SLC25A25: variants seen among roughly 807,000 people sequenced by gnomAD.
SLC25A25 encodes mitochondrial adenyl nucleotide antiporter SLC25A25.
Under a neutral mutation model 57.7 loss-of-function variants are expected in SLC25A25, and 32 were observed. That is an observed-to-expected ratio of 0.55 (90% CI 0.42 to 0.74). The LOEUF is 0.74. Among genes scored for constraint, SLC25A25 ranks in the 30% least tolerant of loss-of-function variants. SLC25A25 has a pLI of 0.00. For synonymous variants in SLC25A25, 306 were observed against 291.2 expected (o/e 1.05, Z -0.52); for missense variants, 556 against 701.3 (o/e 0.79, Z 2.34).
chr9:128,091,982 A>G, intron 1 of SLC25A25: 2 of 1,613,982 alleles, frequency 1.2e-6, no homozygotes, highest in Non-Finnish European at 1.7e-6. Flanking sequence ...CCCTGCCTGG[A>G]GAGACCAGAT....
chr9:128,105,977 G>T (rs1345176307), intron 7 of SLC25A25, 96 bp downstream of exon 7: 6 of 1,558,644 alleles, frequency 3.8e-6, no homozygotes, highest in African/African-American at 1.4e-5. Context: ...GACACTTGGA[G>T]CCAGCCGTGG....
chr9:128,076,320 G>A (rs1172318760), intron 1 of SLC25A25, among the ~76,000 whole-genome samples: 4 of 151,488 alleles, frequency 2.6e-5, no homozygotes, highest in African/African-American at 7.3e-5. Context: ...TTGTAGAGAC[G>A]GGGTTTTCCT....
Position 128,107,722 on chromosome 9 carries a change from T to G in SLC25A25, c.*278T>G. On this transcript the variant is annotated 3_prime_UTR_variant, in exon 11 of 11. Transcript: ENST00000373069. ...GCTCACATGTGTAAGGACAGGACAT[T>G]TTCTGCAGTGCCTGCCAATAGCGAG... 1 of 411,264 alleles carries G rather than the reference T, an allele frequency of 2.4e-6. No individual in the cohort carries two copies. The highest frequency in any genetic ancestry group is 1.1e-4 in the South Asian group (1 of 8,958). 25.5% of individuals were successfully genotyped at this position (411,264 alleles called of 1,614,324 possible).
intron 1 of SLC25A25, among the ~76,000 whole-genome samples, chr9:128,092,403 G>A (rs1487399068): frequency 6.6e-6 from 1 of 152,214 alleles, no homozygotes; most frequent in Non-Finnish European, 1.5e-5. Context: ...GTGAAAGTGT[G>A]CCTTAGCTTA....
intron 1 of SLC25A25, among the ~76,000 whole-genome samples, chr9:128,082,783 T>A (rs1165156556): frequency 6.6e-6 from 1 of 152,030 alleles, no homozygotes. Context: ...GTAGCTAGAA[T>A]CACCACGCCT....
At position 128,107,127 on chromosome 9, in the gene SLC25A25, C is replaced by G. The variant is rs1358540191; in HGVS notation, c.1311C>G (p.Gly437=). The stretch of plus-strand genomic sequence containing the variant: ...GTGGCACCATGTCCAGTACCTGTGG[C>G]CAGCTGGCCAGCTACCCCCTGGCCC... The part of the protein sequence containing the change: ...LACGTMSSTC[G]QLASYPLALV... The change falls in exon 10 of 11, where the codon GGC becomes GGG. Residue 437 remains glycine, a synonymous_variant. Transcript: ENST00000373069. The G allele has an allele frequency of 2.5e-6, 4 of 1,614,012 alleles. No individual in the cohort carries two copies. The highest frequency in any genetic ancestry group is 3.4e-6 in the Non-Finnish European group (4 of 1,180,036).
chr9:128,072,632 C>A (rs960011763), intron 1 of SLC25A25, among the ~76,000 whole-genome samples: 1 of 152,104 alleles, frequency 6.6e-6, no homozygotes, highest in South Asian at 2.1e-4. Context: ...GCAGAGAAAC[C>A]GTTGGCAGCC....
At chr9:128,098,544 G>A (rs1833639162) in intron 1 of SLC25A25, 1 of 1,604,086 alleles carries the variant, frequency 6.2e-7, no homozygotes, top group Middle Eastern at 1.7e-4. Context: ...TGAGGGCAGT[G>A]GAGCACCCAG....
intron 1 of SLC25A25, among the ~76,000 whole-genome samples, chr9:128,072,479 G>A (rs1832928384): frequency 6.6e-6 from 1 of 152,218 alleles, no homozygotes; most frequent in Admixed American, 6.5e-5. Flanking sequence ...GGTAAACCCA[G>A]GCCATGTGAC....
chr9:128,107,564 C>A lies in SLC25A25; in HGVS notation c.*120C>A. 1 of 1,234,232 alleles carries A rather than the reference C, an allele frequency of 8.1e-7. No individual in the cohort carries two copies. The highest frequency in any genetic ancestry group is 1.1e-6 in the Non-Finnish European group (1 of 922,890). 76.5% of individuals were successfully genotyped at this position (1,234,232 alleles called of 1,614,324 possible). Reference sequence around the variant, plus strand: ...TGTCTCGAGCCAAGCTGTGAAAACCCTAGACGCACCCGCAGGGAGGGTGGG... The same window carrying A: ...TGTCTCGAGCCAAGCTGTGAAAACCATAGACGCACCCGCAGGGAGGGTGGG... On this transcript the variant is annotated 3_prime_UTR_variant, in exon 11 of 11. Transcript: ENST00000373069.
At chr9:128,077,516 T>TAAAAAAAAAAAAAAAAAAAAAAAAAA (rs567869070) in intron 1 of SLC25A25, among the ~76,000 whole-genome samples, 6 of 100,300 alleles carry the variant, frequency 6.0e-5, no homozygotes, top group Admixed American at 4.1e-4. Context: ...GACTCCGTCT[T>TAAAAAAAAAAAAAAAAAAAAAAAAAA]AAAAAAAAAA....
intron 1 of SLC25A25, among the ~76,000 whole-genome samples, chr9:128,085,727 G>A (rs1016127851): frequency 4.0e-5 from 6 of 151,742 alleles, no homozygotes; most frequent in South Asian, 4.2e-4. Flanking sequence ...GTACTGCTGC[G>A]GCTGCATCCT....
rs1164174749 is a variant in SLC25A25 at position 128,099,586 on chromosome 9, T to A, written c.262-1510T>A. ...CTATAGGTGATTTATGTCACTCTTGTCTGAGAGCACAGATGTCCACAGGAA... is the reference window on the plus strand; with the variant it reads ...CTATAGGTGATTTATGTCACTCTTGACTGAGAGCACAGATGTCCACAGGAA... On this transcript the variant is annotated intron_variant, in intron 1 of 10. Coordinates refer to ENST00000373069, the MANE Select transcript of SLC25A25 (RefSeq NM_001330988.2). The surrounding 1 kb of genome is among the most constrained non-coding windows in gnomAD (Gnocchi z 6.8). 6.6e-6 allele frequency among the ~76,000 whole-genome samples: 1 copy of A among 152,258 alleles called. No individual in the cohort carries two copies. The highest frequency in any genetic ancestry group is 1.5e-5 in the Non-Finnish European group (1 of 68,050).
chr9:128,076,610 C>T (rs887412028), intron 1 of SLC25A25, among the ~76,000 whole-genome samples: 11 of 151,124 alleles, frequency 7.3e-5, no homozygotes, highest in Non-Finnish European at 4.4e-5. Flanking sequence ...GGACTACAGG[C>T]GCCCACCACC....
intron 1 of SLC25A25, among the ~76,000 whole-genome samples, chr9:128,073,376 C>A (rs139860969): frequency 6.6e-6 from 1 of 152,312 alleles, no homozygotes; most frequent in Non-Finnish European, 1.5e-5. Context: ...CGCCCTCCCC[C>A]ATTTCTCTCC....
chr9:128,104,101 G>A (rs987551407), intron 6 of SLC25A25, among the ~76,000 whole-genome samples: 1 of 152,110 alleles, frequency 6.6e-6, no homozygotes, highest in Non-Finnish European at 1.5e-5. Context: ...GCGAGACTGG[G>A]GTGAGGCAGG....
At chr9:128,100,811 C>A (rs1339882568) in intron 1 of SLC25A25, 2 of 406,824 alleles carry the variant, frequency 4.9e-6, no homozygotes, top group Non-Finnish European at 9.0e-6. Flanking sequence ...CTGTCGGCCT[C>A]TGTCCGGAGG....
At chr9:128,079,398 G>A (rs1833088183) in intron 1 of SLC25A25, among the ~76,000 whole-genome samples, 1 of 138,156 alleles carries the variant, frequency 7.2e-6, no homozygotes, top group African/African-American at 2.9e-5. Flanking sequence ...TGATTGAAAT[G>A]CTGCTGATGC....
At chr9:128,087,385 C>A (rs1197383413) in intron 1 of SLC25A25, among the ~76,000 whole-genome samples, 1 of 152,222 alleles carries the variant, frequency 6.6e-6, no homozygotes, top group South Asian at 2.1e-4. Context: ...CCTCAGCCTC[C>A]TGAGTAGCTG....
Sources: allele counts gnomAD v4.1 joint callset (sites outside exome capture counted in the v4.1 genomes callset), GRCh38; gene constraint gnomAD v4.1.1; non-coding constraint Gnocchi (gnomAD v3.1); transcripts MANE v1.5; gene names NCBI Gene and HGNC (gene_info 2026-07-23, HGNC 2026-07-21).